Variants in TENM2 observed in about 807,000 individuals in gnomAD.
TENM2 encodes teneurin-2.
Under a neutral mutation model 245.2 loss-of-function variants are expected in TENM2, and 52 were observed. That is an observed-to-expected ratio of 0.21 (90% CI 0.17 to 0.27). TENM2 has a LOEUF of 0.27. Ranked by LOEUF, TENM2 falls within the 10% of genes least tolerant of loss-of-function variation. The probability of loss-of-function intolerance (pLI) is 1.00; values close to 1 mark genes in which losing one functional copy is unlikely to be tolerated. For missense variants in TENM2, 3,046 were observed against 3,666.8 expected (o/e 0.83, Z 4.37); for synonymous variants, 1,363 against 1,438.9 (o/e 0.95, Z 1.19).
At chr5:167,922,534 T>G (rs1777451094) in intron 3 of TENM2, among the ~76,000 whole-genome samples, 1 of 152,212 alleles carries the variant, frequency 6.6e-6, no homozygotes, top group African/African-American at 2.4e-5. Context: ...CTGCCTTGTC[T>G]ACCACTCCAC....
intron 2 of TENM2, among the ~76,000 whole-genome samples, chr5:167,683,896 G>A (rs938058052): frequency 6.6e-6 from 1 of 152,194 alleles, no homozygotes; most frequent in Non-Finnish European, 1.5e-5. Context: ...AAAAATGCGT[G>A]TAGTACTTGC....
chr5:167,411,267 C>T (rs1201305012), intron 2 of TENM2, among the ~76,000 whole-genome samples: 4 of 152,068 alleles, frequency 2.6e-5, no homozygotes, highest in African/African-American at 7.2e-5. Context: ...GGATATTATA[C>T]TTACATAAAT....
chr5:168,260,945 C>T (rs1165668864), intron 28 of TENM2, among the ~76,000 whole-genome samples: 1 of 152,168 alleles, frequency 6.6e-6, no homozygotes, highest in Non-Finnish European at 1.5e-5. Context: ...GAGACCTCTG[C>T]TACAATCAGA....
In TENM2 at chr5:167,594,113, A is replaced by G. The variant is rs148953143; in HGVS notation, c.502+218640A>G. 8.9e-4 allele frequency among the ~76,000 whole-genome samples: 135 copies of G among 152,318 alleles called. 2 individuals carry two copies. In the East Asian group the frequency reaches 0.016, roughly 18 times the overall value. ...AAATTGAAGCAATTTAAAAATATAC[A>G]GTATTTAAGAAAAACTCAAATTCCT... On this transcript the variant is annotated intron_variant, in intron 2 of 28. Coordinates refer to ENST00000518659, the Ensembl canonical transcript of TENM2.
intron 2 of TENM2, among the ~76,000 whole-genome samples, chr5:167,728,455 A>T (rs1003149594): frequency 4.0e-5 from 6 of 151,186 alleles, no homozygotes; most frequent in Non-Finnish European, 7.4e-5. Context: ...AATAAAAAAT[A>T]AAAAAAATTA....
Position 167,707,642 on chromosome 5 carries a change from C to A in TENM2, c.503-168344C>A, listed in dbSNP as rs1169029555. Among the ~76,000 whole-genome samples the A allele has an allele frequency of 2.6e-5, 4 of 152,180 alleles. No homozygotes were observed. The East Asian group carries it at 7.7e-4, about 29-fold the overall frequency. ...TTTGAAAATGCACCAACAAAAACAG[C>A]ATGAATTGTACATAGTATAATTCTA... On this transcript the variant is annotated intron_variant, in intron 2 of 28. Transcript: ENST00000518659.
intron 2 of TENM2, among the ~76,000 whole-genome samples, chr5:167,530,826 CCTG>C (rs1464722101): frequency 6.6e-6 from 1 of 152,156 alleles, no homozygotes; most frequent in African/African-American, 2.4e-5. Context: ...AAATGTGAGC[CCTG>C]CTGGTGATGC....
chr5:167,410,420 A>G (rs1380723441), intron 2 of TENM2, among the ~76,000 whole-genome samples: 1 of 152,056 alleles, frequency 6.6e-6, no homozygotes, highest in African/African-American at 2.4e-5. Flanking sequence ...ATTTTGTAGT[A>G]TAGACATAAA....
chr5:167,425,740 A>ATGCTGC (rs541557775), intron 2 of TENM2, among the ~76,000 whole-genome samples: 8 of 151,838 alleles, frequency 5.3e-5, no homozygotes, highest in African/African-American at 1.7e-4. Context: ...TAAAATAACA[A>ATGCTGC]TGCTGCTGCT....
chr5:167,067,001 T>C, the TENM2 span, among the ~76,000 whole-genome samples: 47 of 152,208 alleles, frequency 3.1e-4, no homozygotes, highest in Admixed American at 2.6e-4. Context: ...TATGAATTAA[T>C]TATAATTACT....
At chr5:167,407,895 A>G (rs1013621781) in intron 2 of TENM2, among the ~76,000 whole-genome samples, 1 of 152,142 alleles carries the variant, frequency 6.6e-6, no homozygotes, top group Admixed American at 6.6e-5. Context: ...ACTCAAATGG[A>G]CCTTCCTCCT....
At position 167,349,159 on chromosome 5, in the gene TENM2, G is replaced by C. The variant is rs189265981; in HGVS notation, c.227-26039G>C. ...CCACTGCCATCACTCCAAAAGGATT[G>C]CTCATGCTCACTTGCTCCCACCTTC... is the stretch of plus-strand genomic sequence containing the variant. On this transcript the variant is annotated intron_variant, in intron 1 of 28. Transcript: ENST00000518659. Among the ~76,000 whole-genome samples the C allele has an allele frequency of 1.7e-4, 26 of 152,304 alleles. No individual in the cohort carries two copies. The East Asian group carries it at 5.0e-3, about 29-fold the overall frequency.
chr5:167,119,437 G>A, the TENM2 span: 3 of 152,174 alleles, frequency 2.0e-5, no homozygotes, highest in African/African-American at 7.2e-5. Flanking sequence ...CCTGAGATTG[G>A]ATAATATATA....
At chr5:167,722,561 G>T (rs145750586) in intron 2 of TENM2, among the ~76,000 whole-genome samples, 1,670 of 152,172 alleles carry the variant, frequency 0.011, 28 homozygotes, top group African/African-American at 0.038. Flanking sequence ...AGATCATGAC[G>T]TCAGGAGATC....
At chr5:167,023,756 C>T in the TENM2 span, among the ~76,000 whole-genome samples, 1 of 152,076 alleles carries the variant, frequency 6.6e-6, no homozygotes, top group Non-Finnish European at 1.5e-5. Flanking sequence ...ATAGAAATTG[C>T]AATATGAAAG....
chr5:167,665,017 T>A (rs1461910447), intron 2 of TENM2, among the ~76,000 whole-genome samples: 1 of 152,236 alleles, frequency 6.6e-6, no homozygotes, highest in Non-Finnish European at 1.5e-5. Context: ...ATAAATCTTG[T>A]TGGATAATCA....
chr5:168,185,997 T>C (rs1760392512), intron 13 of TENM2: 1 of 126,292 alleles, frequency 7.9e-6, no homozygotes, highest in East Asian at 2.3e-4. Context: ...TATATTTGAA[T>C]TTATATATAT....
chr5:168,240,698 G>A (rs1195262939), intron 25 of TENM2, among the ~76,000 whole-genome samples: 1 of 151,210 alleles, frequency 6.6e-6, no homozygotes, highest in African/African-American at 2.4e-5. Context: ...AATGCACTAG[G>A]GCCCTATGAT....
At chr5:167,554,394 C>CT (rs1185685772) in intron 2 of TENM2, among the ~76,000 whole-genome samples, 2 of 152,150 alleles carry the variant, frequency 1.3e-5, no homozygotes, top group African/African-American at 4.8e-5. Context: ...GACACTTGTT[C>CT]TGATCAGATG....
Sources: allele counts gnomAD v4.1 joint callset (sites outside exome capture counted in the v4.1 genomes callset), GRCh38; gene constraint gnomAD v4.1.1; transcripts MANE v1.5; gene names NCBI Gene and HGNC (gene_info 2026-07-23, HGNC 2026-07-21).